The following IGF1R variants were observed in gnomAD, a reference collection of about 807,000 sequenced individuals.
IGF1R encodes the protein insulin like growth factor 1 receptor.
Under a neutral mutation model 144.6 loss-of-function variants are expected in IGF1R, and 44 were observed. The ratio of observed to expected loss-of-function variants is 0.30; its 90% CI spans 0.24 to 0.39. The LOEUF is 0.39. IGF1R is among the 10% of genes least tolerant of loss of function. IGF1R has a pLI of 1.00. For synonymous variants in IGF1R, 795 were observed against 722.8 expected (o/e 1.10, Z -1.60); for missense variants, 1,355 against 1,833.7 (o/e 0.74, Z 4.77).
chr15:98,938,603 C>T (rs2684799), intron 17 of IGF1R, among the ~76,000 whole-genome samples: 52,506 of 151,986 alleles, frequency 0.35, 9,863 homozygotes, highest in South Asian at 0.51. Context: ...ACTTGTCTTC[C>T]GTAATGCCGA....
At chr15:98,781,044 C>A (rs1433382978) in intron 2 of IGF1R, among the ~76,000 whole-genome samples, 1 of 152,140 alleles carries the variant, frequency 6.6e-6, no homozygotes, top group East Asian at 1.9e-4. Context: ...ACTACTTGAG[C>A]CCAGGAGGTC....
chr15:98,773,965 A>AT (rs1241427027), intron 2 of IGF1R, among the ~76,000 whole-genome samples: 1 of 151,938 alleles, frequency 6.6e-6, no homozygotes, highest in Non-Finnish European at 1.5e-5. Flanking sequence ...CTATTTTTGT[A>AT]TTTTTTCCAG....
chr15:98,759,082 C>T (rs971611413), intron 2 of IGF1R, among the ~76,000 whole-genome samples: 1 of 152,216 alleles, frequency 6.6e-6, no homozygotes, highest in Non-Finnish European at 1.5e-5. Flanking sequence ...CTGTCTCCAT[C>T]ACTCAGTATA....
chr15:98,931,624 C>T (rs1276394725), intron 15 of IGF1R, among the ~76,000 whole-genome samples: 1 of 151,284 alleles, frequency 6.6e-6, no homozygotes, highest in Non-Finnish European at 1.5e-5. Context: ...GTATATAAGG[C>T]AGAGAGAACA....
chr15:98,860,137 C>T (rs945748644), intron 2 of IGF1R, among the ~76,000 whole-genome samples: 6 of 152,206 alleles, frequency 3.9e-5, no homozygotes, highest in African/African-American at 1.4e-4. Context: ...GCTGGAGTTT[C>T]TTGAAGTATT....
At chr15:98,781,564 G>T (rs2055861743) in intron 2 of IGF1R, among the ~76,000 whole-genome samples, 1 of 152,166 alleles carries the variant, frequency 6.6e-6, no homozygotes, top group Non-Finnish European at 1.5e-5. Flanking sequence ...AAAGTAGTAA[G>T]TACTTGACTG....
intron 19 of IGF1R, among the ~76,000 whole-genome samples, chr15:98,945,253 A>C (rs2016508893): frequency 6.6e-6 from 1 of 152,266 alleles, no homozygotes; most frequent in Admixed American, 6.5e-5. Flanking sequence ...CAAATAGCCA[A>C]GGTTATTTGC....
chr15:98,792,713 AC>A (rs1425876729), intron 2 of IGF1R, among the ~76,000 whole-genome samples: 2 of 152,190 alleles, frequency 1.3e-5, no homozygotes, highest in Non-Finnish European at 2.9e-5. Context: ...AACTTCTCTT[AC>A]TTATTGGCTG....
intron 20 of IGF1R, among the ~76,000 whole-genome samples, chr15:98,954,612 TC>T (rs2151734614): frequency 6.6e-6 from 1 of 152,322 alleles, no homozygotes; most frequent in Non-Finnish European, 1.5e-5. Flanking sequence ...TGTGCTGATG[TC>T]ACTGCCTCGC....
chr15:98,866,784 G>C (rs1477261336), intron 2 of IGF1R, among the ~76,000 whole-genome samples: 1 of 152,216 alleles, frequency 6.6e-6, no homozygotes, highest in Non-Finnish European at 1.5e-5. Flanking sequence ...ATGTCCGCTT[G>C]TTTGCTCCCA....
chr15:98,931,275 G>A (rs1204058756), intron 15 of IGF1R, among the ~76,000 whole-genome samples: 1 of 152,158 alleles, frequency 6.6e-6, no homozygotes, highest in African/African-American at 2.4e-5. Flanking sequence ...TGTTGAGTGA[G>A]TACATTTAGA....
intron 15 of IGF1R, among the ~76,000 whole-genome samples, chr15:98,934,058 A>T (rs138174731): frequency 5.3e-4 from 80 of 152,238 alleles, no homozygotes; most frequent in African/African-American, 1.9e-3. Context: ...GTAACCCAGT[A>T]TATCCAAAAT....
intron 19 of IGF1R, among the ~76,000 whole-genome samples, chr15:98,943,886 T>A (rs997601977): frequency 1.2e-4 from 18 of 152,250 alleles, no homozygotes; most frequent in Non-Finnish European, 2.2e-4. Flanking sequence ...ACATCATTTT[T>A]TTTTTAACCT....
At chr15:98,947,279 A>T (rs2151724979) in intron 19 of IGF1R, among the ~76,000 whole-genome samples, 3 of 152,376 alleles carry the variant, frequency 2.0e-5, no homozygotes, top group African/African-American at 7.2e-5. Context: ...CAATTTGTAC[A>T]AAAATCTTTG....
intron 1 of IGF1R, among the ~76,000 whole-genome samples, chr15:98,691,758 T>G (rs2053482423): frequency 6.6e-6 from 1 of 152,192 alleles, no homozygotes; most frequent in South Asian, 2.1e-4. Flanking sequence ...CAGCATGACC[T>G]ATCACCATTG....
At chr15:98,870,617 T>A (rs919305664) in intron 2 of IGF1R, among the ~76,000 whole-genome samples, 7 of 152,176 alleles carry the variant, frequency 4.6e-5, no homozygotes, top group Non-Finnish European at 5.9e-5. Context: ...TGTGTGTGTG[T>A]GTTTGTGTAT....
chr15:98,777,643 A>C (rs2055752318), intron 2 of IGF1R, among the ~76,000 whole-genome samples: 1 of 152,216 alleles, frequency 6.6e-6, no homozygotes, highest in Non-Finnish European at 1.5e-5. Flanking sequence ...GTCAGAGCAG[A>C]CACAAACGTA....
chr15:98,650,178 G>A (rs1339682025), intron 1 of IGF1R, among the ~76,000 whole-genome samples: 1 of 152,122 alleles, frequency 6.6e-6, no homozygotes, highest in Non-Finnish European at 1.5e-5. Flanking sequence ...GGCCCGCGGG[G>A]TGCGAGTTGC....
intron 2 of IGF1R, among the ~76,000 whole-genome samples, chr15:98,725,844 G>A (rs1447327942): frequency 6.6e-6 from 1 of 152,196 alleles, no homozygotes; most frequent in African/African-American, 2.4e-5. Flanking sequence ...AGAAAATGTG[G>A]AAGAAGCAAA....
Sources: allele counts gnomAD v4.1 joint callset (sites outside exome capture counted in the v4.1 genomes callset), GRCh38; gene constraint gnomAD v4.1.1; transcripts MANE v1.5; gene names NCBI Gene and HGNC (gene_info 2026-07-23, HGNC 2026-07-21).